Variants in CORO7 observed in about 807,000 individuals in gnomAD.
CORO7 encodes coronin 7, also known as coronin-7.
Under a neutral mutation model 126.6 loss-of-function variants are expected in CORO7, and 107 were observed. The ratio of observed to expected loss-of-function variants is 0.85; its 90% confidence interval spans 0.72 to 0.99. The LOEUF (loss-of-function observed/expected upper bound fraction) is 0.99, where lower values mean the gene tolerates loss of function less well. Ranked by LOEUF, CORO7 falls within the 50% of genes least tolerant of loss-of-function variation. The pLI, the probability that CORO7 is intolerant of heterozygous loss-of-function variation, is 0.00. For synonymous variants in CORO7, 603 were observed against 536.8 expected, an observed-to-expected ratio of 1.12 and a Z score of -1.70; for missense variants, 1,314 against 1,255.8, an observed-to-expected ratio of 1.05 and a Z score of -0.70.
At chr16:4,366,535 CTTTTTTTT>C in intron 9 of CORO7, among the ~76,000 whole-genome samples, 1 of 114,364 alleles carries the variant, frequency 8.7e-6, no homozygotes, top group African/African-American at 3.6e-5. Context: ...CTGATCTTTG[CTTTTTTTT>C]TTTTTTTTTT....
intron 9 of CORO7, among the ~76,000 whole-genome samples, chr16:4,365,967 C>T (rs1596282711): frequency 6.6e-6 from 1 of 152,354 alleles, no homozygotes; most frequent in African/African-American, 2.4e-5. Flanking sequence ...TCGGCACTGC[C>T]TGTGGACAGG....
intron 7 of CORO7, among the ~76,000 whole-genome samples, chr16:4,394,534 C>A (rs949662578): frequency 2.6e-5 from 4 of 152,186 alleles, no homozygotes; most frequent in African/African-American, 9.7e-5. Context: ...CTCGCGCAGA[C>A]CCCTCAGACA....
At chr16:4,384,718 C>A (rs987393472) in intron 9 of CORO7, among the ~76,000 whole-genome samples, 1 of 152,156 alleles carries the variant, frequency 6.6e-6, no homozygotes. Flanking sequence ...TGGGTCATGG[C>A]GGGCAGTGGG....
intron 7 of CORO7, among the ~76,000 whole-genome samples, chr16:4,395,002 G>A (rs2055532004): frequency 6.6e-6 from 1 of 152,238 alleles, no homozygotes; most frequent in Non-Finnish European, 1.5e-5. Context: ...AAGGAAGGAA[G>A]TGGGAATCCC....
intron 26 of CORO7, chr16:4,356,518 C>T (rs1186569780): frequency 6.6e-6 from 1 of 151,530 alleles, no homozygotes; most frequent in African/African-American, 2.4e-5. Context: ...CTGCAATCTC[C>T]ACCTCCTGGG....
At chr16:4,368,528 A>G (rs940923555) in intron 9 of CORO7, among the ~76,000 whole-genome samples, 1 of 151,962 alleles carries the variant, frequency 6.6e-6, no homozygotes, top group Non-Finnish European at 1.5e-5. Flanking sequence ...GAGGCCGATC[A>G]CTTTGGGTCA....
At chr16:4,405,270 C>T (rs533693360) in intron 6 of CORO7, among the ~76,000 whole-genome samples, 1 of 152,342 alleles carries the variant, frequency 6.6e-6, no homozygotes. Context: ...CAGGGACCAG[C>T]GTGGGCTCTC....
intron 9 of CORO7, chr16:4,371,830 A>G (rs577821358): frequency 1.3e-5 from 2 of 151,800 alleles, no homozygotes; most frequent in Non-Finnish European, 1.5e-5. Context: ...TTAAGGCGCG[A>G]CCTGCCTCCA....
chr16:4,357,447 T>G (rs1207013935), intron 25 of CORO7, 188 bp from the exon 26 acceptor site: 7 of 570,682 alleles, frequency 1.2e-5, no homozygotes, highest in Non-Finnish European at 2.0e-5. Flanking sequence ...AACCTCCGCC[T>G]CCTCTGGGTT....
rs1019913722 is a variant in CORO7, at chr16:4,362,261, A to C, written c.1403-101T>G. On this transcript the variant is annotated intron_variant, in intron 15 of 27. Coordinates refer to ENST00000251166, the MANE Select transcript of CORO7 (RefSeq NM_024535.5). The surrounding 1 kb of genome is among the most constrained non-coding windows in gnomAD (Gnocchi z 5.3). ...TGCCCACTCCCCTCACCCCAGGTGG[A>C]TGTACAGCATGGACCTAGGCCCAGG... is the stretch of plus-strand genomic sequence containing the variant. 4 of 1,458,790 alleles carry C rather than the reference A, an allele frequency of 2.7e-6. No homozygotes were observed. In the African/African-American group the frequency reaches 5.7e-5, roughly 21 times the overall value. The allele number at this position is 1,458,790 out of a possible 1,614,324, so 90.4% of individuals were successfully genotyped here.
At chr16:4,373,379 G>A (rs994839326) in intron 9 of CORO7, among the ~76,000 whole-genome samples, 6 of 152,156 alleles carry the variant, frequency 3.9e-5, no homozygotes, top group African/African-American at 7.2e-5. Context: ...TCTCCTGCAC[G>A]TTGGAACAGC....
At chr16:4,359,210 C>A in intron 23 of CORO7, 86 bp downstream of exon 23, 1 of 1,418,984 alleles carries the variant, frequency 7.0e-7, no homozygotes, top group South Asian at 1.4e-5. Flanking sequence ...CCCCGACCCA[C>A]AGGCTCCTGT....
At chr16:4,412,315 G>T (rs2056242100) in intron 3 of CORO7, 41 bp downstream of exon 3, 1 of 1,608,440 alleles carries the variant, frequency 6.2e-7, no homozygotes, top group Non-Finnish European at 8.5e-7. Context: ...AGAGGGAGGT[G>T]CAAGTTTCAG....
chr16:4,360,583 C>T (rs1334609240), intron 19 of CORO7, 35 bp from the exon 20 acceptor site: 2 of 1,559,308 alleles, frequency 1.3e-6, no homozygotes, highest in Non-Finnish European at 1.7e-6. Flanking sequence ...GACAGCCTTG[C>T]TTCACTGCTG....
chr16:4,408,075 G>A (rs2141322400), intron 4 of CORO7, 106 bp downstream of exon 4: 7 of 1,536,888 alleles, frequency 4.6e-6, no homozygotes, highest in Non-Finnish European at 6.2e-6. Flanking sequence ...GTGGGGTGGG[G>A]CTGGACTGGG....
chr16:4,395,955 G>A (rs1001754477), intron 6 of CORO7, among the ~76,000 whole-genome samples: 6 of 149,760 alleles, frequency 4.0e-5, no homozygotes, highest in Non-Finnish European at 3.0e-5. Flanking sequence ...GCTTTGTATA[G>A]ACCTTCTTTC....
intron 6 of CORO7, among the ~76,000 whole-genome samples, chr16:4,395,610 C>A (rs1382223319): frequency 6.6e-6 from 1 of 152,196 alleles, no homozygotes; most frequent in Non-Finnish European, 1.5e-5. Flanking sequence ...GAGACCTGCT[C>A]CACGTCAGGC....
intron 9 of CORO7, among the ~76,000 whole-genome samples, chr16:4,370,681 G>A (rs2054492560): frequency 6.6e-6 from 1 of 152,218 alleles, no homozygotes; most frequent in African/African-American, 2.4e-5. Context: ...GAAGGTGACT[G>A]TCCCAGCCAG....
intron 9 of CORO7, among the ~76,000 whole-genome samples, chr16:4,377,564 A>G (rs981102860): frequency 6.6e-6 from 1 of 152,188 alleles, no homozygotes; most frequent in Non-Finnish European, 1.5e-5. Flanking sequence ...TCCAGAGGTG[A>G]GAAACTGAGG....
Sources: allele counts gnomAD v4.1 joint callset (sites outside exome capture counted in the v4.1 genomes callset), GRCh38; gene constraint gnomAD v4.1.1; non-coding constraint Gnocchi (gnomAD v3.1); transcripts MANE v1.5; gene names NCBI Gene and HGNC (gene_info 2026-07-23, HGNC 2026-07-21).